The following SLC39A11 variants were observed in gnomAD, a reference collection of about 807,000 sequenced individuals.
SLC39A11 encodes the protein solute carrier family 39 member 11.
SLC39A11 carries 33 observed loss-of-function variants against 36.1 expected under a neutral mutation model. That is an observed-to-expected ratio of 0.91 (90% CI 0.69 to 1.22). The LOEUF (loss-of-function observed/expected upper bound fraction) is 1.22, where lower values mean the gene tolerates loss of function less well. Ranked by LOEUF, SLC39A11 falls within the 50% of genes most tolerant of loss-of-function variation. The pLI, the probability that SLC39A11 is intolerant of heterozygous loss-of-function variation, is 0.00. For synonymous variants in SLC39A11, 166 were observed against 170.3 expected (o/e 0.97, Z 0.20); for missense variants, 432 against 430.3 (o/e 1.00, Z -0.03).
intron 6 of SLC39A11, among the ~76,000 whole-genome samples, chr17:72,834,865 C>T (rs1054890004): frequency 2.0e-5 from 3 of 152,186 alleles, no homozygotes; most frequent in Admixed American, 6.5e-5. Context: ...CCAATCCTAG[C>T]GCAGCATTAG....
intron 6 of SLC39A11, among the ~76,000 whole-genome samples, chr17:72,775,474 G>A (rs182406211): frequency 2.7e-4 from 41 of 152,336 alleles, no homozygotes; most frequent in African/African-American, 9.6e-4. Context: ...ACTAGACAAG[G>A]TGACTGGGCT....
chr17:72,915,419 T>C (rs774260422), intron 5 of SLC39A11, among the ~76,000 whole-genome samples: 1 of 152,236 alleles, frequency 6.6e-6, no homozygotes, highest in African/African-American at 2.4e-5. Context: ...ACAAAGGCTC[T>C]AGTCCCGGCT....
intron 6 of SLC39A11, among the ~76,000 whole-genome samples, chr17:72,807,359 T>C: frequency 6.6e-6 from 1 of 152,218 alleles, no homozygotes; most frequent in East Asian, 1.9e-4. Flanking sequence ...GGCACAGAGC[T>C]TCCCAAACTC....
intron 4 of SLC39A11, among the ~76,000 whole-genome samples, chr17:72,948,194 C>T (rs2085562137): frequency 6.6e-6 from 1 of 151,856 alleles, no homozygotes; most frequent in Admixed American, 6.6e-5. Context: ...CAAGCGTCAT[C>T]GCCGCACACA....
chr17:73,062,306 T>A (rs1257140730), intron 3 of SLC39A11, among the ~76,000 whole-genome samples: 2 of 150,294 alleles, frequency 1.3e-5, no homozygotes, highest in Non-Finnish European at 3.0e-5. Flanking sequence ...TAAAAAAAAA[T>A]ACAAAAATTG....
At chr17:73,091,334 T>G (rs2060916122) in intron 1 of SLC39A11, among the ~76,000 whole-genome samples, 1 of 151,974 alleles carries the variant, frequency 6.6e-6, no homozygotes, top group African/African-American at 2.4e-5. Context: ...TCCCAGCTAC[T>G]CGGGAGGCTG....
At chr17:73,030,007 G>A (rs75420349) in intron 4 of SLC39A11, among the ~76,000 whole-genome samples, 5,145 of 152,308 alleles carry the variant, frequency 0.034, 105 homozygotes, top group African/African-American at 0.047. Context: ...GCCGGGGTAG[G>A]GGGTTGGGGA....
chr17:72,660,815 A>G (rs1205986680), intron 7 of SLC39A11, among the ~76,000 whole-genome samples: 2 of 152,152 alleles, frequency 1.3e-5, no homozygotes, highest in African/African-American at 4.8e-5. Context: ...GATGCTTACC[A>G]GCATCCTCGG....
intron 7 of SLC39A11, among the ~76,000 whole-genome samples, chr17:72,686,218 T>G (rs1354186969): frequency 6.6e-6 from 1 of 152,170 alleles, no homozygotes; most frequent in Non-Finnish European, 1.5e-5. Context: ...ATCTGCCTTT[T>G]TCCTGGGCTT....
intron 6 of SLC39A11, among the ~76,000 whole-genome samples, chr17:72,830,230 A>T (rs1318259701): frequency 2.0e-5 from 3 of 152,216 alleles, no homozygotes; most frequent in Non-Finnish European, 4.4e-5. Context: ...CCATTCCTGG[A>T]TATCGCCCCC....
At chr17:72,974,393 C>T (rs967678769) in intron 4 of SLC39A11, among the ~76,000 whole-genome samples, 8 of 150,252 alleles carry the variant, frequency 5.3e-5, no homozygotes, top group African/African-American at 2.0e-4. Flanking sequence ...AGCCACCACA[C>T]CCGGCCTAAT....
At chr17:73,002,312 G>A (rs747127578) in intron 4 of SLC39A11, among the ~76,000 whole-genome samples, 9 of 152,130 alleles carry the variant, frequency 5.9e-5, no homozygotes, top group Non-Finnish European at 7.3e-5. Flanking sequence ...GCTTAAAGGG[G>A]CAGGGGCTGA....
chr17:72,776,586 T>C (rs985062813), intron 6 of SLC39A11, among the ~76,000 whole-genome samples: 1 of 148,970 alleles, frequency 6.7e-6, no homozygotes, highest in African/African-American at 2.5e-5. Flanking sequence ...ATTATGTTTG[T>C]TTATAAATAA....
chr17:73,084,423 G>GTA (rs1437474415), intron 3 of SLC39A11, among the ~76,000 whole-genome samples: 1 of 117,884 alleles, frequency 8.5e-6, no homozygotes, highest in Non-Finnish European at 1.6e-5. Flanking sequence ...GGGTGACAGG[G>GTA]TAAGGCTCTG....
In SLC39A11 at chr17:72,719,786, T is replaced by C. The variant is rs958170501; in HGVS notation, c.671+16864A>G. On this transcript the variant is annotated intron_variant, in intron 7 of 9. Transcript: ENST00000255559. The stretch of plus-strand genomic sequence containing the variant: ...TAGCTTCCTGTGCCAAGATGTCCAA[T>C]CCCTGTCGCCAGGGACTTGGGTGGG... 3.3e-5 allele frequency among the ~76,000 whole-genome samples: 5 copies of C among 152,092 alleles called. No individual in the cohort carries two copies. The East Asian group carries it at 7.8e-4, about 24-fold the overall frequency.
chr17:73,079,782 AT>A (rs1288427383), intron 3 of SLC39A11, among the ~76,000 whole-genome samples: 3 of 152,242 alleles, frequency 2.0e-5, no homozygotes, highest in Non-Finnish European at 4.4e-5. Flanking sequence ...GAACTGATAC[AT>A]AAATTCAGCA....
chr17:73,053,263 T>C (rs1410504880), intron 3 of SLC39A11, among the ~76,000 whole-genome samples: 1 of 150,390 alleles, frequency 6.6e-6, no homozygotes, highest in Non-Finnish European at 1.5e-5. Context: ...TAATTATATA[T>C]GAAGAAAAAA....
chr17:72,890,715 A>G (rs2081695200), intron 5 of SLC39A11, among the ~76,000 whole-genome samples: 1 of 152,186 alleles, frequency 6.6e-6, no homozygotes, highest in South Asian at 2.1e-4. Context: ...TGGAGAATCA[A>G]TTTGGGAGCC....
chr17:72,710,762 G>T (rs2073078699), intron 7 of SLC39A11, among the ~76,000 whole-genome samples: 1 of 152,092 alleles, frequency 6.6e-6, no homozygotes, highest in Non-Finnish European at 1.5e-5. Flanking sequence ...GATTATTTTA[G>T]TTGAATGAGA....
Sources: gnomAD v4.1 joint callset for allele counts (sites outside exome capture counted in the v4.1 genomes callset) on GRCh38, gnomAD v4.1.1 for gene constraint, MANE v1.5 for transcripts, NCBI Gene and HGNC (gene_info 2026-07-23, HGNC 2026-07-21) for gene names.